Variants in ADCY1 observed in about 807,000 individuals in gnomAD.
ADCY1 encodes adenylate cyclase 1, also known as adenylate cyclase type 1.
ADCY1 carries 28 observed loss-of-function variants against 105.4 expected under a neutral mutation model. The ratio of observed to expected loss-of-function variants is 0.27; its 90% CI spans 0.20 to 0.36. The LOEUF (loss-of-function observed/expected upper bound fraction) is 0.36, where lower values mean the gene tolerates loss of function less well. Ranked by LOEUF, ADCY1 falls within the 10% of genes least tolerant of loss-of-function variation. ADCY1 has a pLI of 1.00. For synonymous variants in ADCY1, 655 were observed against 623.8 expected (o/e 1.05, Z -0.75); for missense variants, 977 against 1,434.2 (o/e 0.68, Z 5.15).
rs2116278354 is a variant in ADCY1, at chr7:45,710,678, G to A, written c.3057+26G>A. The A allele has an allele frequency of 2.5e-6, 4 of 1,598,032 alleles. No individual in the cohort carries two copies. Among genetic ancestry groups the A allele is most frequent in the East Asian group, 4.5e-5 (2 of 44,392 alleles). On this transcript the variant is annotated intron_variant, in intron 19 of 19. Transcript: ENST00000297323. This position sits in a 1 kb window ranked among gnomAD's most constrained non-coding sequence, Gnocchi z 4.7. ...GTCAGTTCACCAAGAAACCCCTAAGGCATGGGTGCCCATTCTTCAGGTGAG... is the reference window on the plus strand; with the variant it reads ...GTCAGTTCACCAAGAAACCCCTAAGACATGGGTGCCCATTCTTCAGGTGAG...
rs1794681474 is a variant in ADCY1 at position 45,647,028 on chromosome 7, A to G, written c.1021-1642A>G. Among the ~76,000 whole-genome samples, 1 of 152,134 alleles carries G rather than the reference A, an allele frequency of 6.6e-6. No homozygotes were observed. The highest frequency in any genetic ancestry group is 1.5e-5 in the Non-Finnish European group (1 of 68,020). ...GTCCATGGTCTTGGAGTGCTGAGGG[A>G]GGCTCAGTGGTGGAAGGAGCTGGGC... On this transcript the variant is annotated intron_variant, in intron 4 of 19. Transcript: ENST00000297323. The surrounding 1 kb of genome is among the most constrained non-coding windows in gnomAD (Gnocchi z 4.6).
intron 3 of ADCY1, among the ~76,000 whole-genome samples, chr7:45,621,411 C>T (rs1381384075): frequency 6.6e-6 from 1 of 152,066 alleles, no homozygotes; most frequent in African/African-American, 2.4e-5. Context: ...TAGAGCAATG[C>T]CAGCACATAT....
At chr7:45,663,153 C>T (rs1795177222) in intron 8 of ADCY1, among the ~76,000 whole-genome samples, 3 of 152,244 alleles carry the variant, frequency 2.0e-5, no homozygotes, top group South Asian at 4.1e-4. Flanking sequence ...CAGTCACCCT[C>T]TGCAGGCGTC....
At chr7:45,685,211 G>A in intron 12 of ADCY1, 143 bp downstream of exon 12, 2 of 724,108 alleles carry the variant, frequency 2.8e-6, no homozygotes, top group Non-Finnish European at 4.9e-6. Context: ...CAAGGAGCCA[G>A]GGAACAAGAG....
In ADCY1 at chr7:45,721,497, A is replaced by G; in HGVS notation, c.*7502A>G. On this transcript the variant is annotated 3_prime_UTR_variant, in exon 20 of 20. Transcript: ENST00000297323. ...GCCTCTCTGACATCAAATGGGGAGA[A>G]ATGGTGGCACCTCCAGACACCCTGA... The G allele has an allele frequency of 2.5e-6, 1 of 395,500 alleles. No homozygotes were observed. The highest frequency in any genetic ancestry group is 4.4e-6 in the Non-Finnish European group (1 of 224,774). 24.5% of individuals were successfully genotyped at this position (395,500 alleles called of 1,614,324 possible). A position where few individuals can be genotyped will look rare whatever the true frequency, so the allele number is the denominator to read the frequency against.
Position 45,721,318 on chromosome 7 carries a change from T to C in ADCY1, c.*7323T>C. ...GAATTCCTCCTTCTTTACTAACTGA[T>C]CCCCAGCAAGGAAATAAAATGTTAG... On this transcript the variant is annotated 3_prime_UTR_variant, in exon 20 of 20. Coordinates refer to ENST00000297323, the MANE Select transcript of ADCY1 (RefSeq NM_021116.4). 1 of 179,500 alleles carries C rather than the reference T, an allele frequency of 5.6e-6. No homozygotes were observed. The highest frequency in any genetic ancestry group is 1.2e-5 in the Non-Finnish European group (1 of 86,100). 11.1% of individuals were successfully genotyped at this position (179,500 alleles called of 1,614,324 possible). A position where few individuals can be genotyped will look rare whatever the true frequency, so the allele number is the denominator to read the frequency against.
intron 17 of ADCY1, among the ~76,000 whole-genome samples, chr7:45,705,241 A>G (rs1409414378): frequency 1.3e-5 from 2 of 152,200 alleles, no homozygotes; most frequent in Admixed American, 1.3e-4. Flanking sequence ...CATTACCTGA[A>G]TACCAGACCC....
chr7:45,577,745 G>A (rs1162987699), intron 1 of ADCY1, among the ~76,000 whole-genome samples: 1 of 151,946 alleles, frequency 6.6e-6, no homozygotes, highest in Non-Finnish European at 1.5e-5. Flanking sequence ...GCAGGATGCT[G>A]CTTCAGAGTC....
chr7:45,672,622 T>C (rs963235400), intron 8 of ADCY1, among the ~76,000 whole-genome samples: 3 of 152,176 alleles, frequency 2.0e-5, no homozygotes, highest in African/African-American at 7.2e-5. Context: ...ATCACTAATA[T>C]AAAGAAATAC....
rs58987934 is a variant in ADCY1, at chr7:45,592,579, G to A, written c.640-180G>A. Among the ~76,000 whole-genome samples the A allele has an allele frequency of 8.1e-3, 1,234 of 152,306 alleles. 69 individuals are homozygous for A. The East Asian group carries it at 0.13, about 16-fold the overall frequency. On this transcript the variant is annotated intron_variant, in intron 1 of 19. Transcript: ENST00000297323. ...CTGACATGCTGTCTCACAGCCGCCC[G>A]GACAGGGTGAGGACGAGCTCCTGCC...
chr7:45,577,310 C>T (rs574109465), intron 1 of ADCY1, among the ~76,000 whole-genome samples: 16 of 152,318 alleles, frequency 1.1e-4, no homozygotes, highest in African/African-American at 3.4e-4. Context: ...TTCAAGTCCA[C>T]GTGTCTATAC....
intron 4 of ADCY1, among the ~76,000 whole-genome samples, chr7:45,639,900 T>C (rs887250417): frequency 1.3e-5 from 2 of 152,190 alleles, no homozygotes; most frequent in Admixed American, 6.5e-5. Context: ...TGATGGCCTC[T>C]GAAAGTCTGT....
rs185908037 is a variant in ADCY1, at chr7:45,656,281, C to T, written c.1149-1446C>T. Among the ~76,000 whole-genome samples the T allele has an allele frequency of 2.7e-5, 4 of 149,802 alleles. No homozygotes were observed. The South Asian group carries it at 6.3e-4, about 24-fold the overall frequency. ...TAGCGCCACTGCACTGCAGCCTGGGCGACAGAGCGAAACTCCGTCTCAAAA... is the reference window on the plus strand; with the variant it reads ...TAGCGCCACTGCACTGCAGCCTGGGTGACAGAGCGAAACTCCGTCTCAAAA... On this transcript the variant is annotated intron_variant, in intron 5 of 19. Transcript: ENST00000297323.
chr7:45,692,692 C>A (rs1784806217), intron 14 of ADCY1, among the ~76,000 whole-genome samples: 1 of 152,160 alleles, frequency 6.6e-6, no homozygotes, highest in Non-Finnish European at 1.5e-5. Flanking sequence ...CTCACCGCCC[C>A]CATCCCAGAC....
rs542798435 is a variant in ADCY1 at position 45,676,671 on chromosome 7, G to A, written c.1606-1198G>A. Among the ~76,000 whole-genome samples the A allele has an allele frequency of 2.6e-5, 4 of 152,124 alleles. No homozygotes were observed. In the South Asian group the frequency reaches 8.3e-4, roughly 32 times the overall value. On this transcript the variant is annotated intron_variant, in intron 8 of 19. Coordinates refer to ENST00000297323, the MANE Select transcript of ADCY1 (RefSeq NM_021116.4). ...TTCAGCATCCACTGACAATGCAAGT[G>A]GGAGCTCATTACCACTCAGTGGAGA...
At chr7:45,672,223 G>C (rs1342454540) in intron 8 of ADCY1, among the ~76,000 whole-genome samples, 2 of 151,944 alleles carry the variant, frequency 1.3e-5, no homozygotes, top group African/African-American at 4.8e-5. Context: ...AATTGCTTTT[G>C]AACTTTTGTC....
chr7:45,698,301 G>C (rs2116245242), intron 14 of ADCY1, among the ~76,000 whole-genome samples: 1 of 152,216 alleles, frequency 6.6e-6, no homozygotes, highest in Middle Eastern at 3.4e-3. Context: ...TTCTAATAAA[G>C]GTCAGGGATA....
intron 14 of ADCY1, among the ~76,000 whole-genome samples, chr7:45,692,851 A>G (rs1377272962): frequency 2.6e-5 from 4 of 152,226 alleles, no homozygotes; most frequent in Non-Finnish European, 4.4e-5. Flanking sequence ...CAAAATAAAA[A>G]AAAATACTAA....
At chr7:45,602,546 A>G (rs1322466625) in intron 2 of ADCY1, among the ~76,000 whole-genome samples, 1 of 152,236 alleles carries the variant, frequency 6.6e-6, no homozygotes, top group Non-Finnish European at 1.5e-5. Context: ...GGTAAATGGA[A>G]CAATTTTGAG....
Sources: gnomAD v4.1 joint callset for allele counts (sites outside exome capture counted in the v4.1 genomes callset) on GRCh38, gnomAD v4.1.1 for gene constraint, Gnocchi (gnomAD v3.1) non-coding constraint, MANE v1.5 for transcripts, NCBI Gene and HGNC (gene_info 2026-07-23, HGNC 2026-07-21) for gene names.